The following WDR20 variants were observed in gnomAD, a reference collection of about 807,000 sequenced individuals.
The protein encoded by WDR20 is WD repeat domain 20, also known as WD repeat-containing protein 20.
A neutral mutation model predicts 38.7 loss-of-function variants in WDR20; 3 were observed. That is an observed-to-expected ratio of 0.08 (90% CI 0.04 to 0.20). WDR20 has a LOEUF of 0.20. WDR20 is among the 10% of genes least tolerant of loss of function. The pLI is 1.00. For missense variants in WDR20, 559 were observed against 727.7 expected (o/e 0.77, Z 2.67); for synonymous variants, 298 against 285.6 (o/e 1.04, Z -0.44).
At chr14:102,182,314 A>G (rs550043386) in intron 1 of WDR20, among the ~76,000 whole-genome samples, 13 of 152,306 alleles carry the variant, frequency 8.5e-5, no homozygotes, top group African/African-American at 3.1e-4. Context: ...ATGCCATTTG[A>G]AGAGTAAAAC....
chr14:102,189,819 G>T (rs1286780781), intron 1 of WDR20, among the ~76,000 whole-genome samples: 1 of 152,116 alleles, frequency 6.6e-6, no homozygotes, highest in African/African-American at 2.4e-5. Flanking sequence ...TATTTTAATT[G>T]ATTATAACAG....
At chr14:102,184,862 G>A (rs987541181) in intron 1 of WDR20, among the ~76,000 whole-genome samples, 1 of 152,144 alleles carries the variant, frequency 6.6e-6, no homozygotes, top group Non-Finnish European at 1.5e-5. Context: ...CCCCTTGAAC[G>A]TGGTTGGCCG....
At chr14:102,186,040 A>G (rs2064619425) in intron 1 of WDR20, among the ~76,000 whole-genome samples, 1 of 152,220 alleles carries the variant, frequency 6.6e-6, no homozygotes, top group African/African-American at 2.4e-5. Context: ...TGAAACACTG[A>G]AACTGTACAA....
intron 1 of WDR20, among the ~76,000 whole-genome samples, chr14:102,183,594 G>T (rs2063881328): frequency 6.6e-6 from 1 of 152,230 alleles, no homozygotes; most frequent in South Asian, 2.1e-4. Flanking sequence ...GGTTAAAGGT[G>T]AAGTTGTAAG....
At chr14:102,212,494 C>G (rs117104264), downstream of WDR20, 6,936 of 1,535,742 alleles carry the variant, frequency 4.5e-3, 301 homozygotes, top group East Asian at 0.093. Flanking sequence ...CTCTGCCCCT[C>G]TGACTGCTGC....
At chr14:102,184,767 T>C (rs1419150895) in intron 1 of WDR20, among the ~76,000 whole-genome samples, 1 of 152,234 alleles carries the variant, frequency 6.6e-6, no homozygotes, top group African/African-American at 2.4e-5. Flanking sequence ...TGCTATTTGC[T>C]GACGTTTGAC....
At chr14:102,150,993 C>T (rs2055587247) in intron 1 of WDR20, among the ~76,000 whole-genome samples, 1 of 152,146 alleles carries the variant, frequency 6.6e-6, no homozygotes, top group African/African-American at 2.4e-5. Flanking sequence ...GCCCAAAGTG[C>T]CTACAGTCTA....
chr14:102,139,666 T>C (rs563998051), upstream of WDR20: 1 of 651,978 alleles, frequency 1.5e-6, no homozygotes, highest in East Asian at 2.8e-5. Flanking sequence ...GAAGCAGCCA[T>C]GCCGCCCGGA....
At chr14:102,223,928 ACTCCGAGTC>A (rs1419798412), downstream of WDR20, among the ~76,000 whole-genome samples, 1 of 151,256 alleles carries the variant, frequency 6.6e-6, no homozygotes, top group African/African-American at 2.4e-5. Context: ...TTTCCATACA[ACTCCGAGTC>A]CTCCTTTCGT....
At chr14:102,179,081 T>C (rs2062799944) in intron 1 of WDR20, 1 of 152,092 alleles carries the variant, frequency 6.6e-6, no homozygotes, top group Non-Finnish European at 1.5e-5. Flanking sequence ...TCCCAGAGAA[T>C]GCGTGTGCCT....
chr14:102,174,110 A>G (rs1342724890), intron 1 of WDR20, among the ~76,000 whole-genome samples: 1 of 150,968 alleles, frequency 6.6e-6, no homozygotes, highest in Non-Finnish European at 1.5e-5. Context: ...CATGATTATT[A>G]TTATTATTGT....
In WDR20 at chr14:102,189,065, CT is replaced by C. The variant is rs577134161; in HGVS notation, c.250-5872del. On this transcript the variant is annotated intron_variant, in intron 1 of 2. Coordinates refer to ENST00000342702, the MANE Select transcript of WDR20 (RefSeq NM_144574.4). Reference sequence around the variant, plus strand: ...TCTCTACAAAAAATACAAAAATTAGCTGGGCGTGGTGGCACGTACCTGTAAT... The same window carrying C: ...TCTCTACAAAAAATACAAAAATTAGCGGGCGTGGTGGCACGTACCTGTAAT... 4.5e-3 allele frequency among the ~76,000 whole-genome samples: 685 copies of C among 150,780 alleles called. 7 individuals carry two copies. Among genetic ancestry groups the C allele is most frequent in the African/African-American group, 0.015 (635 of 41,046 alleles).
chr14:102,154,029 T>A (rs2056803246), intron 1 of WDR20, among the ~76,000 whole-genome samples: 1 of 152,180 alleles, frequency 6.6e-6, no homozygotes, highest in Non-Finnish European at 1.5e-5. Context: ...ATGAGCTAGA[T>A]GTGGTAGCAC....
chr14:102,167,601 C>T (rs1012611318), intron 1 of WDR20: 22 of 152,194 alleles, frequency 1.4e-4, no homozygotes, highest in African/African-American at 5.1e-4. Context: ...TGTTTAACTC[C>T]TACTCCTTGA....
downstream of WDR20, chr14:102,224,542 G>C: frequency 2.2e-6 from 1 of 455,974 alleles, no homozygotes; most frequent in Non-Finnish European, 4.4e-6. Context: ...ACCATGAAGT[G>C]TCTGAAACCT....
intron 1 of WDR20, among the ~76,000 whole-genome samples, chr14:102,160,631 T>G (rs1032991925): frequency 1.2e-4 from 19 of 152,088 alleles, no homozygotes; most frequent in Non-Finnish European, 2.6e-4. Flanking sequence ...TCTTGATTGA[T>G]TGATGATCCC....
downstream of WDR20, chr14:102,213,803 T>C: frequency 3.0e-6 from 3 of 985,472 alleles, no homozygotes; most frequent in East Asian, 1.1e-4. Flanking sequence ...TCTTTCTTTG[T>C]TGAGCGAGCT....
intron 1 of WDR20, among the ~76,000 whole-genome samples, chr14:102,142,317 C>G (rs1414527772): frequency 6.6e-6 from 1 of 151,890 alleles, no homozygotes. Context: ...GTTGTTATTT[C>G]TGAGTATAAG....
At chr14:102,213,909 C>G, downstream of WDR20, 8 of 985,422 alleles carry the variant, frequency 8.1e-6, no homozygotes, top group Non-Finnish European at 9.6e-6. Flanking sequence ...TGACTGCCCA[C>G]GGAAGAACTA....
Sources: gnomAD v4.1 joint callset for allele counts (sites outside exome capture counted in the v4.1 genomes callset) on GRCh38, gnomAD v4.1.1 for gene constraint, MANE v1.5 for transcripts, NCBI Gene and HGNC (gene_info 2026-07-23, HGNC 2026-07-21) for gene names.